The following TTC8 variants were observed in gnomAD, a reference collection of about 807,000 sequenced individuals.
TTC8 encodes tetratricopeptide repeat protein 8.
TTC8 carries 47 observed loss-of-function variants against 72.5 expected under a neutral mutation model. The ratio of observed to expected loss-of-function variants is 0.65; its 90% confidence interval spans 0.51 to 0.83. TTC8 has a LOEUF of 0.83. Ranked by LOEUF, TTC8 falls within the 40% of genes least tolerant of loss-of-function variation. The probability of loss-of-function intolerance (pLI) is 0.00; values close to 1 mark genes in which losing one functional copy is unlikely to be tolerated. For synonymous variants in TTC8, 199 were observed against 221.4 expected (o/e 0.90, Z 0.90); for missense variants, 611 against 623.2 (o/e 0.98, Z 0.21).
chr14:88,859,065 T>G (rs1022875354), intron 9 of TTC8, among the ~76,000 whole-genome samples: 16 of 152,254 alleles, frequency 1.1e-4, no homozygotes, highest in African/African-American at 3.8e-4. Context: ...ATACATGGCT[T>G]CACCTGTTTT....
chr14:88,847,820 A>G (rs1483724941), intron 7 of TTC8, among the ~76,000 whole-genome samples: 1 of 152,178 alleles, frequency 6.6e-6, no homozygotes, highest in Non-Finnish European at 1.5e-5. Flanking sequence ...GGTATTTATC[A>G]TGTATAAAAA....
chr14:88,862,062 T>G (rs1675570662), intron 10 of TTC8, among the ~76,000 whole-genome samples: 1 of 152,126 alleles, frequency 6.6e-6, no homozygotes, highest in Non-Finnish European at 1.5e-5. Flanking sequence ...CCATACTGTT[T>G]TCCATAACAA....
At chr14:88,863,498 G>A (rs1226262970) in intron 10 of TTC8, among the ~76,000 whole-genome samples, 1 of 152,168 alleles carries the variant, frequency 6.6e-6, no homozygotes, top group African/African-American at 2.4e-5. Flanking sequence ...TTACTATTGG[G>A]TGCTGGTCAT....
At chr14:88,829,073 G>C (rs1470491793) in intron 1 of TTC8, among the ~76,000 whole-genome samples, 2 of 152,114 alleles carry the variant, frequency 1.3e-5, no homozygotes, top group Non-Finnish European at 2.9e-5. Context: ...TGAAGAATAT[G>C]GGTTCTCAAC....
At chr14:88,836,490 TA>T (rs5810432) in intron 2 of TTC8, among the ~76,000 whole-genome samples, 23,712 of 134,290 alleles carry the variant, frequency 0.18, 1,934 homozygotes, top group Non-Finnish European at 0.2. Context: ...GAGCCTGTCT[TA>T]AAAAAAAAAA....
chr14:88,857,533 T>C lies in TTC8; in HGVS notation c.798+256T>C, dbSNP rs2094862427. On this transcript the variant is annotated intron_variant, in intron 9 of 14. Transcript: ENST00000380656. ...CCCATTAGGACAGGAGAAAATACCA[T>C]AGGCTCACTACTCGCATAGGTAACA... Among the ~76,000 whole-genome samples the C allele has an allele frequency of 6.6e-6, 1 of 152,132 alleles. No homozygotes were observed. Among genetic ancestry groups the C allele is most frequent in the Non-Finnish European group, 1.5e-5 (1 of 68,022 alleles).
At chr14:88,852,774 G>T (rs533402797) in intron 7 of TTC8, among the ~76,000 whole-genome samples, 197 bp from the exon 8 acceptor site, 5 of 152,042 alleles carry the variant, frequency 3.3e-5, no homozygotes, top group African/African-American at 1.2e-4. Context: ...TATCTCATCT[G>T]CTATTAGCCC....
chr14:88,880,987 A>C (rs2094970607), downstream of TTC8: 1 of 152,188 alleles, frequency 6.6e-6, no homozygotes, highest in Non-Finnish European at 1.5e-5. Context: ...ATTATATATG[A>C]GGTGAAGGTA....
At chr14:88,877,233 T>C in intron 14 of TTC8, 61 bp from the exon 15 acceptor site, 3 of 1,283,406 alleles carry the variant, frequency 2.3e-6, no homozygotes, top group African/African-American at 1.5e-5. Flanking sequence ...TTTTCTTTTT[T>C]ACTTCCTTAC....
In TTC8 at chr14:88,877,596, T is replaced by G; in HGVS notation, c.*186T>G. 1 of 501,386 alleles carries G rather than the reference T, an allele frequency of 2.0e-6. No individual in the cohort carries two copies. The allele number at this position is 501,386 out of a possible 1,614,324, so 31.1% of individuals were successfully genotyped here. A position where few individuals can be genotyped will look rare whatever the true frequency, so the allele number is the denominator to read the frequency against. ...TGCAAATTTCATAGTAATAGTAACT[T>G]TATAAAATAATATTATAAAATACAG... On this transcript the variant is annotated 3_prime_UTR_variant, in exon 15 of 15. Coordinates refer to ENST00000380656, the MANE Select transcript of TTC8 (RefSeq NM_144596.4).
At chr14:88,840,982 A>G in intron 4 of TTC8, 54 bp downstream of exon 4, 1 of 1,613,934 alleles carries the variant, frequency 6.2e-7, no homozygotes, top group Non-Finnish European at 8.5e-7. Flanking sequence ...AGACTGTATG[A>G]GAGTCTTTCC....
intron 10 of TTC8, among the ~76,000 whole-genome samples, chr14:88,867,539 C>T (rs917583924): frequency 6.6e-6 from 1 of 152,198 alleles, no homozygotes; most frequent in Non-Finnish European, 1.5e-5. Context: ...AACAGAGCCT[C>T]TGCCTACTAC....
chr14:88,839,495 A>G lies in TTC8; in HGVS notation c.188A>G (p.Tyr63Cys). 6.2e-7 allele frequency: 1 copy of G among 1,613,344 alleles called. No individual in the cohort carries two copies. The highest frequency in any genetic ancestry group is 8.5e-7 in the Non-Finnish European group (1 of 1,179,544). ...LKARALTEMVYIDEIDVDQEG... is the reference protein window; with the variant it reads ...LKARALTEMVCIDEIDVDQEG... ...GCAAGAGCGCTAACAGAAATGGTAT[A>G]CATAGATGAAATTGATGTAGATCAG... is the stretch of plus-strand genomic sequence containing the variant. Residue 63 changes from tyrosine (Y) to cysteine (C), a missense_variant, in exon 3 of 15, where the codon TAC becomes TGC. By Grantham distance (194) the Tyr-to-Cys change is radical. Transcript: ENST00000380656.
intron 14 of TTC8, 31 bp downstream of exon 14, chr14:88,875,140 G>A (rs761842075): frequency 6.5e-6 from 10 of 1,547,442 alleles, no homozygotes; most frequent in Non-Finnish European, 8.9e-6. Context: ...TTTATCATCT[G>A]ATCTGTTCTT....
chr14:88,844,194 T>A (rs1360339824), intron 7 of TTC8, among the ~76,000 whole-genome samples: 4 of 152,212 alleles, frequency 2.6e-5, no homozygotes, highest in Non-Finnish European at 5.9e-5. Flanking sequence ...ATATTATAGG[T>A]TTACTAACAT....
intron 7 of TTC8, among the ~76,000 whole-genome samples, chr14:88,846,241 A>G (rs2094805895): frequency 6.6e-6 from 1 of 152,016 alleles, no homozygotes; most frequent in South Asian, 2.1e-4. Context: ...TGGGAGGATC[A>G]CCTGAACCCA....
intron 9 of TTC8, among the ~76,000 whole-genome samples, chr14:88,859,970 AT>A (rs1175810837): frequency 7.5e-6 from 1 of 133,852 alleles, no homozygotes; most frequent in Non-Finnish European, 1.7e-5. Flanking sequence ...TAATATAAAT[AT>A]TTTTATATAA....
At chr14:88,856,403 G>A (rs954204488) in intron 8 of TTC8, among the ~76,000 whole-genome samples, 7 of 152,182 alleles carry the variant, frequency 4.6e-5, no homozygotes, top group African/African-American at 1.7e-4. Flanking sequence ...ATTTTGATTT[G>A]ATTTCACAAA....
intron 7 of TTC8, among the ~76,000 whole-genome samples, chr14:88,848,783 T>C (rs1297086213): frequency 2.6e-5 from 4 of 152,182 alleles, no homozygotes; most frequent in Non-Finnish European, 4.4e-5. Flanking sequence ...AACATTAAAG[T>C]GGTAGTATTT....
Sources: allele counts gnomAD v4.1 joint callset (sites outside exome capture counted in the v4.1 genomes callset), GRCh38; gene constraint gnomAD v4.1.1; transcripts MANE v1.5; gene names NCBI Gene and HGNC (gene_info 2026-07-23, HGNC 2026-07-21).